The following TTC29 variants were observed in gnomAD, a reference collection of about 807,000 sequenced individuals.
TTC29 encodes the protein tetratricopeptide repeat protein 29.
Under a neutral mutation model 58.1 loss-of-function variants are expected in TTC29, and 49 were observed. The observed-to-expected ratio is 0.84, with a 90% CI of 0.67 to 1.07. TTC29 has a LOEUF of 1.07. Ranked by LOEUF, TTC29 falls within the 50% of genes least tolerant of loss-of-function variation. The pLI, the probability that TTC29 is intolerant of heterozygous loss-of-function variation, is 0.00. For synonymous variants in TTC29, 209 were observed against 196.8 expected (o/e 1.06, Z -0.52); for missense variants, 582 against 555.6 (o/e 1.05, Z -0.48).
chr4:146,930,626 GT>G (rs1735268562), intron 4 of TTC29, among the ~76,000 whole-genome samples: 1 of 152,158 alleles, frequency 6.6e-6, no homozygotes, highest in Non-Finnish European at 1.5e-5. Context: ...TTTAAGGATT[GT>G]TTTTTAGCCA....
chr4:146,864,480 C>G, intron 8 of TTC29, among the ~76,000 whole-genome samples: 1 of 152,272 alleles, frequency 6.6e-6, no homozygotes, highest in South Asian at 2.1e-4. Flanking sequence ...CATAAATTAT[C>G]TCTTATTATC....
At chr4:146,900,287 A>T (rs1733052774) in intron 6 of TTC29, among the ~76,000 whole-genome samples, 1 of 152,254 alleles carries the variant, frequency 6.6e-6, no homozygotes, top group South Asian at 2.1e-4. Context: ...TTAGACTGAC[A>T]AAAGTAGTTC....
chr4:146,903,235 T>C (rs1014849197), intron 6 of TTC29, among the ~76,000 whole-genome samples: 2 of 152,146 alleles, frequency 1.3e-5, no homozygotes, highest in African/African-American at 4.8e-5. Context: ...AAGTATACCT[T>C]TCATTCTTTT....
At chr4:146,756,660 C>T (rs567505715) in intron 11 of TTC29, among the ~76,000 whole-genome samples, 3 of 151,960 alleles carry the variant, frequency 2.0e-5, no homozygotes, top group South Asian at 2.1e-4. Context: ...TCAGGAATAT[C>T]GATTATTCTT....
intron 9 of TTC29, among the ~76,000 whole-genome samples, chr4:146,827,471 A>C (rs933579513): frequency 6.6e-6 from 1 of 152,230 alleles, no homozygotes; most frequent in African/African-American, 2.4e-5. Flanking sequence ...CAAGGTTTGG[A>C]AAACATTCAT....
chr4:146,717,426 C>T (rs1462013001), intron 11 of TTC29, among the ~76,000 whole-genome samples: 1 of 151,920 alleles, frequency 6.6e-6, no homozygotes, highest in African/African-American at 2.4e-5. Flanking sequence ...TATAGGGGCC[C>T]ACTATCATGC....
At chr4:146,707,627 T>C in intron 11 of TTC29, 76 bp from the exon 12 acceptor site, 1 of 1,089,612 alleles carries the variant, frequency 9.2e-7, no homozygotes, top group Non-Finnish European at 1.4e-6. Context: ...AACCTGGGAA[T>C]CCCTTTTCAG....
intron 6 of TTC29, among the ~76,000 whole-genome samples, chr4:146,890,336 C>A (rs143260625): frequency 6.6e-6 from 1 of 152,240 alleles, no homozygotes; most frequent in African/African-American, 2.4e-5. Flanking sequence ...AAAAGTACCA[C>A]CAATGTATAG....
chr4:146,901,624 C>A (rs1733153678), intron 6 of TTC29, among the ~76,000 whole-genome samples: 1 of 152,196 alleles, frequency 6.6e-6, no homozygotes, highest in Non-Finnish European at 1.5e-5. Flanking sequence ...GATCAGCATG[C>A]ACTTGCCTCA....
chr4:146,820,167 C>G lies in TTC29; in HGVS notation c.1059G>C (p.Leu353Phe), dbSNP rs773644746. 3.6e-5 allele frequency: 58 copies of G among 1,613,126 alleles called. No individual in the cohort carries two copies. Among genetic ancestry groups the G allele is most frequent in the Non-Finnish European group, 4.6e-5 (54 of 1,179,758 alleles). The change falls in exon 10 of 13, where the codon TTG (leucine) becomes TTC (phenylalanine). Residue 353 changes from leucine (L) to phenylalanine (F), a missense_variant. By Grantham distance (22) the Leu-to-Phe change is conservative (BLOSUM62 0). Coordinates refer to ENST00000325106, the MANE Select transcript of TTC29 (RefSeq NM_031956.4). The stretch of plus-strand genomic sequence containing the variant: ...CCCCAAGCATTGTACTTGCTCTCAC[C>G]AAATCTAGGCTTTGAAAATTGTTTC... ...IARNNFQSLDLVRASTMLGDI... is the reference protein window; with the variant it reads ...IARNNFQSLDFVRASTMLGDI...
chr4:146,935,360 A>G (rs1381968312), intron 4 of TTC29, among the ~76,000 whole-genome samples: 1 of 152,224 alleles, frequency 6.6e-6, no homozygotes, highest in Non-Finnish European at 1.5e-5. Flanking sequence ...ATACACAAAT[A>G]TATCGATCAC....
At chr4:146,898,749 G>A (rs922896503) in intron 6 of TTC29, among the ~76,000 whole-genome samples, 1 of 152,168 alleles carries the variant, frequency 6.6e-6, no homozygotes, top group African/African-American at 2.4e-5. Context: ...AAGCTAATGG[G>A]TTGAAATGGA....
At position 146,869,136 on chromosome 4, in the gene TTC29, A is replaced by G. The variant is rs150889651; in HGVS notation, c.800-1553T>C. ...AAAAAAAAACCTCTTTTCTTTATAA[A>G]TTACCCACCCTCAGATATTCCTTTA... On this transcript the variant is annotated intron_variant, in intron 7 of 12. Transcript: ENST00000325106. Among the ~76,000 whole-genome samples, 74 of 151,826 alleles carry G rather than the reference A, an allele frequency of 4.9e-4. No homozygotes were observed. In the East Asian group the frequency reaches 0.014, roughly 28 times the overall value.
chr4:146,735,235 G>C (rs1744628360), intron 11 of TTC29, among the ~76,000 whole-genome samples: 1 of 152,046 alleles, frequency 6.6e-6, no homozygotes, highest in Non-Finnish European at 1.5e-5. Flanking sequence ...CCTGTGGTTG[G>C]TTACCAAGAA....
At chr4:146,854,173 C>A (rs1387820091) in intron 8 of TTC29, among the ~76,000 whole-genome samples, 1 of 152,120 alleles carries the variant, frequency 6.6e-6, no homozygotes, top group African/African-American at 2.4e-5. Flanking sequence ...GACTCCCTGG[C>A]TGATAGAATC....
At chr4:146,756,029 A>T (rs534332062) in intron 11 of TTC29, among the ~76,000 whole-genome samples, 1 of 152,120 alleles carries the variant, frequency 6.6e-6, no homozygotes, top group African/African-American at 2.4e-5. Context: ...AATCCCAGCA[A>T]TTCGGGAGGC....
intron 11 of TTC29, among the ~76,000 whole-genome samples, chr4:146,777,684 T>C (rs145508182): frequency 6.6e-6 from 1 of 152,310 alleles, no homozygotes; most frequent in African/African-American, 2.4e-5. Flanking sequence ...TATGGTGCCT[T>C]TGAAATTTCA....
At chr4:146,800,439 T>G (rs1349414751) in intron 11 of TTC29, among the ~76,000 whole-genome samples, 1 of 152,240 alleles carries the variant, frequency 6.6e-6, no homozygotes, top group East Asian at 1.9e-4. Context: ...GTTTTTTTTC[T>G]GAATACATGG....
intron 11 of TTC29, among the ~76,000 whole-genome samples, chr4:146,787,513 T>C (rs1749111447): frequency 6.6e-6 from 1 of 152,220 alleles, no homozygotes; most frequent in African/African-American, 2.4e-5. Flanking sequence ...AAGACTCAAA[T>C]AAGTCTAGCG....
Sources: allele counts gnomAD v4.1 joint callset (sites outside exome capture counted in the v4.1 genomes callset), GRCh38; gene constraint gnomAD v4.1.1; transcripts MANE v1.5; gene names NCBI Gene and HGNC (gene_info 2026-07-23, HGNC 2026-07-21).